The following SLC16A5 variants were observed in gnomAD, a reference collection of about 807,000 sequenced individuals.
SLC16A5 encodes monocarboxylate transporter 6.
A neutral mutation model predicts 33.2 loss-of-function variants in SLC16A5; 29 were observed. That is an observed-to-expected ratio of 0.87 (90% CI 0.65 to 1.19). The LOEUF (loss-of-function observed/expected upper bound fraction) is 1.19. Ranked by LOEUF, SLC16A5 falls within the 50% of genes most tolerant of loss-of-function variation. The pLI is 0.00. For missense variants in SLC16A5, 606 were observed against 678.2 expected, an observed-to-expected ratio of 0.89 and a Z score of 1.18; for synonymous variants, 248 against 284.1, an observed-to-expected ratio of 0.87 and a Z score of 1.28.
intron 5 of SLC16A5, among the ~76,000 whole-genome samples, 160 bp downstream of exon 5, chr17:75,100,976 C>T (rs749436689): frequency 8.5e-5 from 13 of 152,220 alleles, no homozygotes; most frequent in Admixed American, 5.2e-4. Flanking sequence ...TGGCCCGGCG[C>T]GGTGGCTCAT....
At chr17:75,099,966 C>T (rs777969642) in intron 4 of SLC16A5, 41 bp from the exon 5 acceptor site, 1 of 1,564,066 alleles carries the variant, frequency 6.4e-7, no homozygotes, top group South Asian at 1.2e-5. Context: ...GGTGGAAGGC[C>T]CCAGTGCGCC....
intron 2 of SLC16A5, among the ~76,000 whole-genome samples, chr17:75,089,689 G>C (rs1425590076): frequency 6.7e-6 from 1 of 148,170 alleles, no homozygotes; most frequent in Non-Finnish European, 1.5e-5. Context: ...GGGAGGCAGA[G>C]ATTGCAGTGA....
In SLC16A5 at chr17:75,093,897, C is replaced by T. The variant is rs561894868; in HGVS notation, c.199+62C>T. On this transcript the variant is annotated intron_variant, in intron 3 of 6. Transcript: ENST00000329783. ...AGGGGTTGCGGGGAAGCCACAACCTCCCTGGCCTTCTGATTCCCTCTCTCT... is the reference window on the plus strand; with the variant it reads ...AGGGGTTGCGGGGAAGCCACAACCTTCCTGGCCTTCTGATTCCCTCTCTCT... The T allele has an allele frequency of 1.5e-5, 23 of 1,560,022 alleles. 1 individual carries two copies. In the East Asian group the frequency reaches 4.3e-4, roughly 29 times the overall value.
At chr17:75,106,602 A>AAAAG (rs1380748543), downstream of SLC16A5, among the ~76,000 whole-genome samples, 1 of 150,406 alleles carries the variant, frequency 6.6e-6, no homozygotes, top group East Asian at 1.9e-4. Flanking sequence ...TAAAAAAAAA[A>AAAAG]AAAAAAAAAA....
In SLC16A5 at chr17:75,100,695, C is replaced by T; in HGVS notation, c.1032C>T (p.Gly344=). 3 of 1,614,196 alleles carry T rather than the reference C, an allele frequency of 1.9e-6. No homozygotes were observed. Among genetic ancestry groups the T allele is most frequent in the Non-Finnish European group, 2.5e-6 (3 of 1,180,038 alleles). Residue 344 remains glycine (G), a synonymous_variant, in exon 5 of 7, where the codon GGC becomes GGT. Transcript: ENST00000329783. The part of the protein sequence containing the change: ...YCLAYSVSMS[G]IGALIFQVLM... ...TGGCGTACAGCGTGTCCATGAGTGG[C>T]ATCGGCGCCCTCATCTTCCAGGTTC... is the stretch of plus-strand genomic sequence containing the variant.
intron 5 of SLC16A5, among the ~76,000 whole-genome samples, 161 bp downstream of exon 5, chr17:75,100,977 G>A (rs1314867482): frequency 2.6e-5 from 4 of 152,162 alleles, no homozygotes; most frequent in Admixed American, 6.6e-5. Flanking sequence ...GGCCCGGCGC[G>A]GTGGCTCATG....
At chr17:75,102,711 C>G (rs548414661) in intron 5 of SLC16A5, among the ~76,000 whole-genome samples, 3 of 152,080 alleles carry the variant, frequency 2.0e-5, no homozygotes, top group Non-Finnish European at 4.4e-5. Flanking sequence ...CGTTGGAAGG[C>G]CCAGTTTCCA....
intron 5 of SLC16A5, among the ~76,000 whole-genome samples, chr17:75,102,367 C>G (rs535885928): frequency 6.6e-6 from 1 of 152,204 alleles, no homozygotes; most frequent in East Asian, 1.9e-4. Flanking sequence ...AAGATCACAC[C>G]ACTGCACTCC....
At chr17:75,091,168 C>T (rs1365059353) in intron 2 of SLC16A5, among the ~76,000 whole-genome samples, 2 of 151,830 alleles carry the variant, frequency 1.3e-5, no homozygotes, top group Non-Finnish European at 2.9e-5. Context: ...GTGGCCTTTC[C>T]GGGAGGAAGA....
chr17:75,092,028 G>GTGTGTGT lies in SLC16A5; in HGVS notation c.-48-1561_-48-1560insTGTGTGT, dbSNP rs1555644931. On this transcript the variant is annotated intron_variant, in intron 2 of 6. Transcript: ENST00000329783. ...CTTGCTAAGCCAAAGATGTGAGGGG[G>GTGTGTGT]GTGTGTGTGTGTGTGTGTGTGTGCA... Among the ~76,000 whole-genome samples the GTGTGTGT allele has an allele frequency of 8.4e-3, 1,264 of 149,694 alleles. 14 individuals carry two copies. Among genetic ancestry groups the GTGTGTGT allele is most frequent in the African/African-American group, 0.026 (1,056 of 40,450 alleles).
chr17:75,104,251 G>A (rs1598156629), intron 6 of SLC16A5, 71 bp downstream of exon 6: 2 of 1,571,326 alleles, frequency 1.3e-6, no homozygotes, highest in East Asian at 4.7e-5. Flanking sequence ...ATCACTGAGT[G>A]AACACTGTCT....
intron 3 of SLC16A5, among the ~76,000 whole-genome samples, chr17:75,095,516 G>T (rs1008741311): frequency 6.6e-6 from 1 of 151,942 alleles, no homozygotes; most frequent in African/African-American, 2.4e-5. Context: ...GCTTATTTTT[G>T]AGACAGAGTC....
downstream of SLC16A5, among the ~76,000 whole-genome samples, chr17:75,106,945 G>A (rs751133420): frequency 1.3e-4 from 19 of 149,366 alleles, no homozygotes; most frequent in Non-Finnish European, 2.7e-4. Context: ...CAGGAGGATC[G>A]CTTGAGACCA....
chr17:75,089,625 G>A (rs1052426158), intron 2 of SLC16A5, among the ~76,000 whole-genome samples: 2 of 151,992 alleles, frequency 1.3e-5, no homozygotes, highest in Non-Finnish European at 2.9e-5. Context: ...ATAGTGGCGT[G>A]TGCCTGTAAT....
chr17:75,091,768 GC>G (rs2073640367), intron 2 of SLC16A5, among the ~76,000 whole-genome samples: 1 of 152,250 alleles, frequency 6.6e-6, no homozygotes, highest in Non-Finnish European at 1.5e-5. Context: ...GGATGCGTGG[GC>G]TTCACTGAGG....
chr17:75,108,265 T>TA (rs903047552), downstream of SLC16A5, among the ~76,000 whole-genome samples: 1 of 152,260 alleles, frequency 6.6e-6, no homozygotes, highest in African/African-American at 2.4e-5. Context: ...TCTGGGCTCC[T>TA]ATTTGCTGCT....
chr17:75,088,345 G>T (rs192361592), intron 1 of SLC16A5, among the ~76,000 whole-genome samples: 11 of 152,332 alleles, frequency 7.2e-5, no homozygotes, highest in Admixed American at 7.2e-4. Context: ...GAGGGACAGC[G>T]GAGTGGAAAC....
chr17:75,104,668 T>TC (rs1172315518), intron 6 of SLC16A5: 1 of 734,262 alleles, frequency 1.4e-6, no homozygotes, highest in Non-Finnish European at 1.7e-6. Context: ...CAGGCTGGTC[T>TC]CCAACTTCCG....
intron 3 of SLC16A5, among the ~76,000 whole-genome samples, chr17:75,094,739 C>G (rs1029371148): frequency 6.6e-6 from 1 of 151,582 alleles, no homozygotes; most frequent in Admixed American, 6.6e-5. Flanking sequence ...AGCCCCAGCT[C>G]TCCCGGGACT....
Sources: gnomAD v4.1 joint callset for allele counts (sites outside exome capture counted in the v4.1 genomes callset) on GRCh38, gnomAD v4.1.1 for gene constraint, MANE v1.5 for transcripts, NCBI Gene and HGNC (gene_info 2026-07-23, HGNC 2026-07-21) for gene names.